The following GSDMB variants were observed in gnomAD, a reference collection of about 807,000 sequenced individuals.
GSDMB encodes the protein gasdermin B.
In GSDMB, 32 loss-of-function variants were observed where a neutral mutation model predicts 42.9. The ratio of observed to expected loss-of-function variants is 0.75; its 90% CI spans 0.56 to 1.00. GSDMB has a LOEUF of 1.00. Among genes scored for constraint, GSDMB ranks in the 50% least tolerant of loss-of-function variants. GSDMB has a pLI of 0.00. For synonymous variants in GSDMB, 175 were observed against 193.7 expected (o/e 0.90, Z 0.80); for missense variants, 468 against 498.5 (o/e 0.94, Z 0.58).
At chr17:39,909,661 A>G (rs892383189) in intron 4 of GSDMB, 95 bp downstream of exon 4, 133 of 1,108,328 alleles carry the variant, frequency 1.2e-4, no homozygotes, top group Admixed American at 6.2e-5. Context: ...CTGCTCGGAG[A>G]GGAGTGAAGG....
At position 39,905,772 on chromosome 17, in the gene GSDMB, C is replaced by G. The variant is rs1303228179; in HGVS notation, c.1027+75G>C. The G allele has an allele frequency of 2.0e-6, 3 of 1,507,280 alleles. No homozygotes were observed. In the Admixed American group the frequency reaches 5.3e-5, roughly 27 times the overall value. 93.4% of individuals were successfully genotyped at this position (1,507,280 alleles called of 1,614,324 possible). On this transcript the variant is annotated intron_variant, in intron 9 of 10. Transcript: ENST00000418519. The stretch of plus-strand genomic sequence containing the variant: ...TGAAGAGCAACATGCAGCCCCTCCT[C>G]CCAAGATGTGACTCCCCACAGGCCT...
At chr17:39,911,322 T>TAAAAA (rs2063603364) in intron 3 of GSDMB, among the ~76,000 whole-genome samples, 1 of 38,468 alleles carries the variant, frequency 2.6e-5, no homozygotes, top group African/African-American at 1.2e-4. Flanking sequence ...AAACTCCATC[T>TAAAAA]CAAAAAAAAA....
chr17:39,915,273 TA>T (rs2063689862), intron 2 of GSDMB, among the ~76,000 whole-genome samples: 2 of 152,238 alleles, frequency 1.3e-5, no homozygotes, highest in African/African-American at 4.8e-5. Context: ...TGCCCAGCCC[TA>T]TGCACACTTT....
At chr17:39,907,140 G>A (rs2063519801) in intron 6 of GSDMB, 153 bp from the exon 7 acceptor site, 1 of 1,474,170 alleles carries the variant, frequency 6.8e-7, no homozygotes, top group Non-Finnish European at 9.0e-7. Flanking sequence ...TGTGTCAATG[G>A]GAAAGCACTG....
intron 3 of GSDMB, among the ~76,000 whole-genome samples, chr17:39,911,258 G>A (rs1598277228): frequency 6.6e-6 from 1 of 150,624 alleles, no homozygotes; most frequent in Non-Finnish European, 1.5e-5. Flanking sequence ...AGGAGGCAGA[G>A]GTTGCAGTGA....
At position 39,917,037 on chromosome 17, in the gene GSDMB, G is replaced by T. The variant is rs551461882; in HGVS notation, c.235+45C>A. 9.3e-6 allele frequency: 12 copies of T among 1,283,788 alleles called. No individual in the cohort carries two copies. The South Asian group carries it at 1.3e-4, about 14-fold the overall frequency. 79.5% of individuals were successfully genotyped at this position (1,283,788 alleles called of 1,614,324 possible). A position where few individuals can be genotyped will look rare whatever the true frequency, so the allele number is the denominator to read the frequency against. ...TTGAGAAGGAGATGGAGTACAAACG[G>T]TCAAGGCCTCCTGGCTGGCCACCTG... On this transcript the variant is annotated intron_variant, in intron 2 of 10. Coordinates refer to ENST00000418519, the MANE Select transcript of GSDMB (RefSeq NM_001165958.2).
intron 7 of GSDMB, chr17:39,906,751 T>C: frequency 7.4e-7 from 1 of 1,343,476 alleles, no homozygotes; most frequent in Non-Finnish European, 9.6e-7. Context: ...GTTTTAAAGT[T>C]TCCTGGTGTG....
chr17:39,911,884 C>T (rs1292692630), intron 3 of GSDMB, among the ~76,000 whole-genome samples: 4 of 151,648 alleles, frequency 2.6e-5, no homozygotes, highest in Non-Finnish European at 4.4e-5. Context: ...TGCAGTGAGC[C>T]GAGATCATGC....
rs760170689 is a variant in GSDMB, at chr17:39,905,517, G to A, written c.1028-21C>T. On this transcript the variant is annotated intron_variant, in intron 9 of 10. Transcript: ENST00000418519. Reference sequence around the variant, plus strand: ...CAGCTCTGGGGGCAAAGAAAGAGTGGTAAAAAGGAGAGATATATGGTGGGA... The same window carrying A: ...CAGCTCTGGGGGCAAAGAAAGAGTGATAAAAAGGAGAGATATATGGTGGGA... 8.2e-6 allele frequency: 13 copies of A among 1,586,480 alleles called. No homozygotes were observed. The South Asian group carries it at 1.5e-4, about 18-fold the overall frequency.
At chr17:39,917,452 C>A in intron 1 of GSDMB, 122 bp from the exon 2 acceptor site, 1 of 650,020 alleles carries the variant, frequency 1.5e-6, no homozygotes, top group South Asian at 1.8e-5. Context: ...ATCATATTCC[C>A]TGTGACCTGC....
At chr17:39,916,474 C>T (rs2872516) in intron 2 of GSDMB, among the ~76,000 whole-genome samples, 97,609 of 150,326 alleles carry the variant, frequency 0.65, 32,973 homozygotes, top group African/African-American at 0.85. Context: ...TTTTTTTAAG[C>T]AGAGACGGGG....
rs559481253 is a variant in GSDMB, at chr17:39,910,755, A to G, written c.408-831T>C. Among the ~76,000 whole-genome samples the G allele has an allele frequency of 2.4e-3, 363 of 152,166 alleles. 2 individuals carry two copies. Among genetic ancestry groups the G allele is most frequent in the Non-Finnish European group, 3.5e-3 (237 of 67,996 alleles). ...GTTGAGACCTAAAACAGTCTGATGG[A>G]GTTTCTATTTGCAATCAAAAGGCCC... On this transcript the variant is annotated intron_variant, in intron 3 of 10. Coordinates refer to ENST00000418519, the MANE Select transcript of GSDMB (RefSeq NM_001165958.2).
chr17:39,908,249 T>C, intron 5 of GSDMB, 35 bp from the exon 6 acceptor site: 2 of 1,289,946 alleles, frequency 1.6e-6, no homozygotes, highest in Non-Finnish European at 2.2e-6. Context: ...AAAAAACAAG[T>C]TATTGGAGAG....
intron 1 of GSDMB, 116 bp from the exon 2 acceptor site, chr17:39,917,446 T>C: frequency 3.0e-6 from 2 of 664,160 alleles, no homozygotes; most frequent in Middle Eastern, 2.5e-4. Flanking sequence ...TAAGCCATCA[T>C]ATTCCCTGTG....
intron 3 of GSDMB, among the ~76,000 whole-genome samples, chr17:39,911,280 A>G (rs4795401): frequency 0.41 from 60,593 of 147,388 alleles, 13,250 homozygotes; most frequent in Non-Finnish European, 0.49. Context: ...CCAAGAATGT[A>G]CCATTGCACT....
chr17:39,916,862 C>A (rs2063720391), intron 2 of GSDMB, among the ~76,000 whole-genome samples: 1 of 152,100 alleles, frequency 6.6e-6, no homozygotes, highest in South Asian at 2.1e-4. Context: ...AAAGGAAGAC[C>A]ATTTAGGAAC....
intron 2 of GSDMB, among the ~76,000 whole-genome samples, chr17:39,916,458 A>G (rs569584004): frequency 1.4e-5 from 2 of 141,796 alleles, no homozygotes; most frequent in African/African-American, 5.2e-5. Flanking sequence ...AATTTTTTGT[A>G]TTTTTTTTTT....
At chr17:39,913,151 G>C (rs78516053) in intron 2 of GSDMB, among the ~76,000 whole-genome samples, 1 of 151,786 alleles carries the variant, frequency 6.6e-6, no homozygotes, top group Non-Finnish European at 1.5e-5. Flanking sequence ...GAAAAGGAAA[G>C]GAAAAGAAAA....
intron 3 of GSDMB, among the ~76,000 whole-genome samples, chr17:39,910,400 C>A (rs1039714343): frequency 4.6e-5 from 7 of 152,196 alleles, no homozygotes; most frequent in African/African-American, 1.7e-4. Flanking sequence ...CAGCTGTGAG[C>A]CACGCTTTTC....
Sources: gnomAD v4.1 joint callset for allele counts (sites outside exome capture counted in the v4.1 genomes callset) on GRCh38, gnomAD v4.1.1 for gene constraint, MANE v1.5 for transcripts, NCBI Gene and HGNC (gene_info 2026-07-23, HGNC 2026-07-21) for gene names.